YAF2: variants seen among roughly 807,000 people sequenced by gnomAD.
YAF2 encodes the protein YY1 associated factor 2, also known as YY1-associated factor 2.
In YAF2, 7 loss-of-function variants were observed where a neutral mutation model predicts 20.1. That is an observed-to-expected ratio of 0.35 (90% CI 0.20 to 0.65). The LOEUF (loss-of-function observed/expected upper bound fraction) is 0.65. Among genes scored for constraint, YAF2 ranks in the 30% least tolerant of loss-of-function variants. YAF2 has a pLI of 0.69. For synonymous variants in YAF2, 74 were observed against 76.0 expected (o/e 0.97, Z 0.14); for missense variants, 151 against 219.2 (o/e 0.69, Z 1.96).
intron 2 of YAF2, among the ~76,000 whole-genome samples, chr12:42,226,173 C>G (rs73281894): frequency 6.6e-6 from 1 of 152,138 alleles, no homozygotes; most frequent in Non-Finnish European, 1.5e-5. Flanking sequence ...ATACGCTGTA[C>G]ACTTTCACAG....
At chr12:42,183,181 G>A (rs1016242610) in intron 2 of YAF2, among the ~76,000 whole-genome samples, 3 of 152,104 alleles carry the variant, frequency 2.0e-5, no homozygotes, top group Non-Finnish European at 4.4e-5. Context: ...CTGCTCCACT[G>A]ACCAGCTGTT....
chr12:42,208,861 A>G (rs1396836511), intron 2 of YAF2, among the ~76,000 whole-genome samples: 1 of 152,244 alleles, frequency 6.6e-6, no homozygotes, highest in Non-Finnish European at 1.5e-5. Context: ...TTAAGGCTAG[A>G]TAAACAGAAT....
chr12:42,190,980 A>C (rs2066598289), intron 2 of YAF2, among the ~76,000 whole-genome samples: 1 of 152,056 alleles, frequency 6.6e-6, no homozygotes, highest in African/African-American at 2.4e-5. Flanking sequence ...TATTTTAAAA[A>C]ATGTTCTGAG....
At chr12:42,196,227 G>GAAAAAAAAAAAAAAAAAAAAAAAA (rs34267272) in intron 2 of YAF2, among the ~76,000 whole-genome samples, 1 of 74,510 alleles carries the variant, frequency 1.3e-5, no homozygotes. Flanking sequence ...AATCCATCTG[G>GAAAAAAAAAAAAAAAAAAAAAAAA]AAAAAAAAAA....
At chr12:42,193,207 C>T (rs71453337) in intron 2 of YAF2, among the ~76,000 whole-genome samples, 25,714 of 151,330 alleles carry the variant, frequency 0.17, 2,697 homozygotes, top group East Asian at 0.27. Flanking sequence ...CCCACCTACT[C>T]GGGAGGCTGA....
At chr12:42,196,426 T>G (rs78588712) in intron 2 of YAF2, among the ~76,000 whole-genome samples, 2,755 of 152,124 alleles carry the variant, frequency 0.018, 84 homozygotes, top group African/African-American at 0.062. Context: ...ATGAAACGAT[T>G]TGCAAGCCAT....
At chr12:42,220,017 C>A (rs144953072) in intron 2 of YAF2, among the ~76,000 whole-genome samples, 117 of 152,288 alleles carry the variant, frequency 7.7e-4, no homozygotes, top group African/African-American at 2.7e-3. Context: ...AAACTGGAGC[C>A]TTCTCAGAGA....
At position 42,158,933 on chromosome 12, in the gene YAF2, A is replaced by C. The variant is rs1485671325; in HGVS notation, c.*1656T>G. The stretch of plus-strand genomic sequence containing the variant: ...TGTTAAAAACAGAATAAGACAAAAA[A>C]ATTCATGTTTTAAAGGAACATATCT... On this transcript the variant is annotated 3_prime_UTR_variant, in exon 4 of 4. Coordinates refer to ENST00000534854, the MANE Select transcript of YAF2 (RefSeq NM_005748.6). 6.6e-6 allele frequency: 1 copy of C among 152,256 alleles called. No individual in the cohort carries two copies. Among genetic ancestry groups the C allele is most frequent in the Non-Finnish European group, 1.5e-5 (1 of 68,038 alleles). 9.4% of individuals were successfully genotyped at this position (152,256 alleles called of 1,614,324 possible).
chr12:42,209,711 T>C (rs1453287726), intron 2 of YAF2, among the ~76,000 whole-genome samples: 1 of 151,748 alleles, frequency 6.6e-6, no homozygotes, highest in Non-Finnish European at 1.5e-5. Context: ...AAAAGCAACA[T>C]CATAAAGAAA....
At chr12:42,198,952 G>A (rs1364326683) in intron 2 of YAF2, among the ~76,000 whole-genome samples, 1 of 152,094 alleles carries the variant, frequency 6.6e-6, no homozygotes, top group African/African-American at 2.4e-5. Context: ...AATATACCCT[G>A]ATTTTGAATA....
At chr12:42,237,852 C>G in intron 1 of YAF2, 128 bp from the exon 2 acceptor site, 1 of 824,378 alleles carries the variant, frequency 1.2e-6, no homozygotes, top group Non-Finnish European at 1.5e-6. Context: ...CGCGGGCCCT[C>G]GGCGCGCCGC....
intron 2 of YAF2, among the ~76,000 whole-genome samples, chr12:42,162,519 T>C (rs1234232992): frequency 6.6e-6 from 1 of 152,078 alleles, no homozygotes; most frequent in East Asian, 1.9e-4. Context: ...AGTCTCTAAG[T>C]TCTTAAGAGA....
chr12:42,218,185 A>AAAC (rs1555162626), intron 2 of YAF2, among the ~76,000 whole-genome samples: 5,493 of 140,622 alleles, frequency 0.039, 118 homozygotes, highest in Non-Finnish European at 0.053. Flanking sequence ...GCTACTAGGA[A>AAAC]ACACACACAC....
At chr12:42,231,005 A>G (rs2067969704) in intron 2 of YAF2, among the ~76,000 whole-genome samples, 1 of 152,244 alleles carries the variant, frequency 6.6e-6, no homozygotes, top group Non-Finnish European at 1.5e-5. Context: ...TACCTGCTGA[A>G]GTAAAGCCAT....
chr12:42,183,350 C>G (rs141024619), intron 2 of YAF2, among the ~76,000 whole-genome samples: 1 of 152,258 alleles, frequency 6.6e-6, no homozygotes, highest in East Asian at 1.9e-4. Context: ...AATGATTAAG[C>G]TTAGTGAGGA....
At chr12:42,229,673 C>T (rs974743817) in intron 2 of YAF2, among the ~76,000 whole-genome samples, 1 of 152,242 alleles carries the variant, frequency 6.6e-6, no homozygotes, top group Middle Eastern at 3.4e-3. Flanking sequence ...TGTATTTATA[C>T]AAACCTAGAT....
At chr12:42,222,752 G>C (rs2067558194) in intron 2 of YAF2, among the ~76,000 whole-genome samples, 2 of 151,622 alleles carry the variant, frequency 1.3e-5, no homozygotes, top group Admixed American at 6.7e-5. Flanking sequence ...TGATATTCAG[G>C]GATTTTTTTT....
chr12:42,197,525 G>T (rs148896169), intron 2 of YAF2, among the ~76,000 whole-genome samples: 1 of 152,182 alleles, frequency 6.6e-6, no homozygotes, highest in African/African-American at 2.4e-5. Flanking sequence ...CACTAACTAC[G>T]TAGGGAAATG....
intron 2 of YAF2, among the ~76,000 whole-genome samples, chr12:42,221,228 G>C (rs2067502371): frequency 6.6e-6 from 1 of 152,160 alleles, no homozygotes; most frequent in African/African-American, 2.4e-5. Flanking sequence ...AAATCTTTAA[G>C]AAGTTACTTG....
Sources: allele counts gnomAD v4.1 joint callset (sites outside exome capture counted in the v4.1 genomes callset), GRCh38; gene constraint gnomAD v4.1.1; transcripts MANE v1.5; gene names NCBI Gene and HGNC (gene_info 2026-07-23, HGNC 2026-07-21).